Variants in CGNL1 observed in about 807,000 individuals in gnomAD.
CGNL1 encodes cingulin like 1, also known as cingulin-like protein 1.
CGNL1 carries 132 observed loss-of-function variants against 141.2 expected under a neutral mutation model. The observed-to-expected ratio is 0.93, with a 90% CI of 0.81 to 1.08. The LOEUF (loss-of-function observed/expected upper bound fraction) is 1.08. CGNL1 is among the 50% of genes least tolerant of loss of function. The probability of loss-of-function intolerance (pLI) is 0.00; values close to 1 mark genes in which losing one functional copy is unlikely to be tolerated. For missense variants in CGNL1, 1,870 were observed against 1,588.6 expected, an observed-to-expected ratio of 1.18 and a Z score of -3.01; for synonymous variants, 690 against 622.1, an observed-to-expected ratio of 1.11 and a Z score of -1.63.
chr15:57,393,034 C>T (rs2062560443), intron 1 of CGNL1, among the ~76,000 whole-genome samples: 1 of 152,026 alleles, frequency 6.6e-6, no homozygotes, highest in South Asian at 2.1e-4. Flanking sequence ...AATTCTCTTC[C>T]ATATACAAAA....
At chr15:57,465,506 C>G (rs1192657476) in intron 8 of CGNL1, among the ~76,000 whole-genome samples, 1 of 150,856 alleles carries the variant, frequency 6.6e-6, no homozygotes, top group Non-Finnish European at 1.5e-5. Context: ...TTCTCCTGCC[C>G]CAGCTTCCTG....
At chr15:57,379,023 G>A (rs563588214) in intron 1 of CGNL1, among the ~76,000 whole-genome samples, 2 of 152,178 alleles carry the variant, frequency 1.3e-5, no homozygotes, top group South Asian at 4.2e-4. Context: ...AAGACTATAT[G>A]GAAAGTGTTT....
rs995618056 is a variant in CGNL1 at position 57,438,482 on chromosome 15, G to C, written c.483G>C (p.Glu161Asp). Residue 161 changes from glutamate to aspartate, a missense_variant, in exon 2 of 19, where the codon GAG becomes GAC. Glu to Asp is a conservative substitution (Grantham distance 45). Transcript: ENST00000281282. ...AACCCTATGACCCTGAAAAGAATGA[G>C]TTGAATTTACAAAATCACCAGCCTT... ...LLQPYDPEKNELNLQNHQPSE... is the reference protein window; with the variant it reads ...LLQPYDPEKNDLNLQNHQPSE... 3 of 1,614,056 alleles carry C rather than the reference G, an allele frequency of 1.9e-6. No homozygotes were observed. The African/African-American group carries it at 4.0e-5, about 22-fold the overall frequency.
At chr15:57,482,790 T>C (rs1236391132) in intron 8 of CGNL1, among the ~76,000 whole-genome samples, 2 of 126,868 alleles carry the variant, frequency 1.6e-5, no homozygotes, top group East Asian at 5.4e-4. Flanking sequence ...CTTTTCTCTC[T>C]TTTTTTTTTT....
intron 1 of CGNL1, among the ~76,000 whole-genome samples, chr15:57,380,234 A>C (rs567681737): frequency 6.6e-6 from 1 of 152,150 alleles, no homozygotes; most frequent in South Asian, 2.1e-4. Flanking sequence ...GGGTTTCACC[A>C]TGTTGGCCAG....
At chr15:57,405,832 C>CTTTCTTTCTT (rs2062715190) in intron 1 of CGNL1, 1 of 87,554 alleles carries the variant, frequency 1.1e-5, no homozygotes, top group African/African-American at 4.4e-5. Context: ...CTTTCTTTTT[C>CTTTCTTTCTT]TTTCTTTTCT....
chr15:57,376,608 G>C (rs1220522559), intron 1 of CGNL1, 41 bp downstream of exon 1: 2 of 152,762 alleles, frequency 1.3e-5, no homozygotes, highest in African/African-American at 4.8e-5. Context: ...GGTGTGCGCC[G>C]GCAGCCGGGT....
At chr15:57,431,927 C>G (rs939567064) in intron 1 of CGNL1, among the ~76,000 whole-genome samples, 2 of 152,198 alleles carry the variant, frequency 1.3e-5, no homozygotes, top group Non-Finnish European at 2.9e-5. Flanking sequence ...GGATCCCACT[C>G]AGGGGAAATT....
At chr15:57,493,727 A>G (rs1224038435) in intron 8 of CGNL1, among the ~76,000 whole-genome samples, 1 of 152,200 alleles carries the variant, frequency 6.6e-6, no homozygotes, top group Non-Finnish European at 1.5e-5. Flanking sequence ...AGTTTTAGAA[A>G]CCTTTGAAGT....
At chr15:57,484,268 A>G (rs1435705923) in intron 8 of CGNL1, among the ~76,000 whole-genome samples, 1 of 152,168 alleles carries the variant, frequency 6.6e-6, no homozygotes. Flanking sequence ...TAAAATATGA[A>G]TTCAGTTTCC....
intron 10 of CGNL1, among the ~76,000 whole-genome samples, chr15:57,522,335 C>G (rs1249101425): frequency 6.6e-6 from 1 of 152,252 alleles, no homozygotes; most frequent in African/African-American, 2.4e-5. Context: ...AGATCTGTTC[C>G]TATGCTCTGC....
At chr15:57,405,811 C>CT (rs1567096718) in intron 1 of CGNL1, among the ~76,000 whole-genome samples, 17 of 53,584 alleles carry the variant, frequency 3.2e-4, no homozygotes, top group East Asian at 2.3e-3. Context: ...TCTTTCTTTC[C>CT]TTCTTTCTTT....
At chr15:57,537,127 G>C (rs2032303096) in intron 14 of CGNL1, among the ~76,000 whole-genome samples, 1 of 152,198 alleles carries the variant, frequency 6.6e-6, no homozygotes, top group Non-Finnish European at 1.5e-5. Flanking sequence ...GGGCCTACAT[G>C]GGAAGGCGTT....
At chr15:57,509,132 C>T (rs780039596) in intron 8 of CGNL1, among the ~76,000 whole-genome samples, 7 of 152,118 alleles carry the variant, frequency 4.6e-5, no homozygotes, top group South Asian at 4.1e-4. Flanking sequence ...TGAAAGCAGA[C>T]GTCCACAGAC....
intron 8 of CGNL1, among the ~76,000 whole-genome samples, chr15:57,488,404 A>G (rs116237730): frequency 0.021 from 3,231 of 152,228 alleles, 107 homozygotes; most frequent in African/African-American, 0.074. Context: ...AATTTTCATG[A>G]TGTCCAGTTT....
chr15:57,468,228 CT>C (rs2063534240), intron 8 of CGNL1, among the ~76,000 whole-genome samples: 7 of 64,854 alleles, frequency 1.1e-4, no homozygotes, highest in South Asian at 1.2e-3. Context: ...CTTTTCTTTT[CT>C]TTTTCTTTTT....
chr15:57,541,756 G>C lies in CGNL1; in HGVS notation c.3292-1940G>C, dbSNP rs535428407. On this transcript the variant is annotated intron_variant, in intron 14 of 18. Coordinates refer to ENST00000281282, the MANE Select transcript of CGNL1 (RefSeq NM_032866.5). ...AATGGGCAGTGCAGGGGCTCAGCCT[G>C]TCTCTAGCCCTGCTCCTGAGGTTAC... 5.3e-5 allele frequency among the ~76,000 whole-genome samples: 8 copies of C among 152,370 alleles called. 1 individual carries two copies. In the South Asian group the frequency reaches 1.7e-3, roughly 32 times the overall value.
chr15:57,459,564 C>T (rs974710982), intron 7 of CGNL1, among the ~76,000 whole-genome samples: 1 of 152,110 alleles, frequency 6.6e-6, no homozygotes, highest in Non-Finnish European at 1.5e-5. Flanking sequence ...GCACTCCGGA[C>T]TGAAGATGCT....
At chr15:57,414,215 G>A (rs1052203686) in intron 1 of CGNL1, among the ~76,000 whole-genome samples, 1 of 152,280 alleles carries the variant, frequency 6.6e-6, no homozygotes, top group Non-Finnish European at 1.5e-5. Context: ...TGGGCTGGTG[G>A]CCCCTTCATC....
Sources: allele counts gnomAD v4.1 joint callset (sites outside exome capture counted in the v4.1 genomes callset), GRCh38; gene constraint gnomAD v4.1.1; transcripts MANE v1.5; gene names NCBI Gene and HGNC (gene_info 2026-07-23, HGNC 2026-07-21).